The following OSBPL9 variants were observed in gnomAD, a reference collection of about 807,000 sequenced individuals.
OSBPL9 encodes oxysterol binding protein like 9.
A neutral mutation model predicts 106.6 loss-of-function variants in OSBPL9; 40 were observed. That is an observed-to-expected ratio of 0.38 (90% CI 0.29 to 0.49). The LOEUF is 0.49. OSBPL9 is among the 20% of genes least tolerant of loss of function. The probability of loss-of-function intolerance (pLI) is 0.97; values close to 1 mark genes in which losing one functional copy is unlikely to be tolerated. For missense variants in OSBPL9, 609 were observed against 887.2 expected, an observed-to-expected ratio of 0.69 and a Z score of 3.98; for synonymous variants, 269 against 295.4, an observed-to-expected ratio of 0.91 and a Z score of 0.92.
In OSBPL9 at chr1:51,772,619, CATG is replaced by C; in HGVS notation, c.1071_1073del (p.Asp358del). 1 of 1,613,836 alleles carries C rather than the reference CATG, an allele frequency of 6.2e-7. No homozygotes were observed. Among genetic ancestry groups the C allele is most frequent in the Non-Finnish European group, 8.5e-7 (1 of 1,179,696 alleles). On this transcript the variant is annotated inframe_deletion, in exon 14 of 24. Transcript: ENST00000428468. ...CTTTATTTTAGACCTGTTTGATTCA[CATG>C]ATGACAGAGATGATGATGCGGAGGC... is the stretch of plus-strand genomic sequence containing the variant.
upstream of OSBPL9, among the ~76,000 whole-genome samples, chr1:51,614,027 C>T (rs1644007781): frequency 1.3e-5 from 2 of 152,166 alleles, no homozygotes; most frequent in Admixed American, 6.5e-5. Flanking sequence ...GAGCTGTCCT[C>T]CCACCTTGGA....
intron 12 of OSBPL9, among the ~76,000 whole-genome samples, chr1:51,768,828 C>G (rs1673205177): frequency 6.6e-6 from 1 of 152,214 alleles, no homozygotes; most frequent in South Asian, 2.1e-4. Flanking sequence ...TCTCCCAGTA[C>G]CCTGTCCCAT....
chr1:51,606,054 A>G (rs1324697524), intron 2 of OSBPL9, among the ~76,000 whole-genome samples: 2 of 152,064 alleles, frequency 1.3e-5, no homozygotes, highest in African/African-American at 2.4e-5. Context: ...AGAAAGAAAT[A>G]TGACCGGCTC....
At chr1:51,640,455 T>G (rs1160385674) in intron 1 of OSBPL9, among the ~76,000 whole-genome samples, 1 of 152,210 alleles carries the variant, frequency 6.6e-6, no homozygotes, top group Non-Finnish European at 1.5e-5. Context: ...AAGTAGTTAC[T>G]TTTGTGCTTT....
chr1:51,748,010 C>T (rs1571509209), intron 6 of OSBPL9, among the ~76,000 whole-genome samples: 1 of 152,040 alleles, frequency 6.6e-6, no homozygotes, highest in Admixed American at 6.6e-5. Context: ...AGGATGGTCT[C>T]GATCTCCTGA....
At chr1:51,785,281 T>C (rs1677332203) in intron 20 of OSBPL9, 1 of 154,806 alleles carries the variant, frequency 6.5e-6, no homozygotes, top group Non-Finnish European at 1.4e-5. Flanking sequence ...TTGCTTATCT[T>C]CTCACATTCC....
Position 51,714,025 on chromosome 1 carries a change from G to T in OSBPL9, c.264G>T (p.Glu88Asp). 2 of 1,609,278 alleles carry T rather than the reference G, an allele frequency of 1.2e-6. No individual in the cohort carries two copies. Among genetic ancestry groups the T allele is most frequent in the Middle Eastern group, 1.7e-4 (1 of 6,044 alleles). The change falls in exon 4 of 24, where the codon GAG (glutamate) becomes GAT (aspartate). Residue 88 changes from glutamate to aspartate, a missense_variant. Coordinates refer to ENST00000428468, the MANE Select transcript of OSBPL9 (RefSeq NM_024586.6). The stretch of plus-strand genomic sequence containing the variant: ...CAGCCCGTGATGCTGATGAGCGAGA[G>T]AAGTGGATCCATGCCTTAGAAGAAA... ...HFQARDADER[E>D]KWIHALEETI...
chr1:51,623,146 C>A (rs937343245), intron 1 of OSBPL9, among the ~76,000 whole-genome samples: 2 of 152,062 alleles, frequency 1.3e-5, no homozygotes, highest in African/African-American at 4.8e-5. Context: ...AGAGCAGTTT[C>A]CATGGAGTGG....
the OSBPL9 span, among the ~76,000 whole-genome samples, chr1:51,530,989 T>C: frequency 6.7e-6 from 1 of 149,624 alleles, no homozygotes; most frequent in Non-Finnish European, 1.5e-5. Flanking sequence ...AAGAAAAAAA[T>C]AGGGCCAGGT....
At chr1:51,610,618 T>C (rs1249323481) in intron 2 of OSBPL9, among the ~76,000 whole-genome samples, 6 of 152,246 alleles carry the variant, frequency 3.9e-5, no homozygotes, top group Non-Finnish European at 8.8e-5. Context: ...GAAGCTACTT[T>C]TTCCTTGACT....
At chr1:51,752,400 C>G (rs1465574930) in intron 8 of OSBPL9, 1 of 386,650 alleles carries the variant, frequency 2.6e-6, no homozygotes, top group African/African-American at 2.1e-5. Flanking sequence ...TCTAAAATAG[C>G]CTATACCTCC....
At chr1:51,716,060 C>T (rs1168600545) in intron 4 of OSBPL9, among the ~76,000 whole-genome samples, 2 of 152,142 alleles carry the variant, frequency 1.3e-5, no homozygotes, top group African/African-American at 4.8e-5. Flanking sequence ...TGGAATTTTT[C>T]AGCTTTTGCT....
intron 2 of OSBPL9, among the ~76,000 whole-genome samples, chr1:51,606,005 GAGAA>G (rs200572383): frequency 0.03 from 4,400 of 149,014 alleles, 97 homozygotes; most frequent in South Asian, 0.048. Context: ...GAGAGAGAGA[GAGAA>G]AGAAAAAAGA....
At chr1:51,592,997 C>G (rs1033708447) in intron 1 of OSBPL9, among the ~76,000 whole-genome samples, 2 of 152,104 alleles carry the variant, frequency 1.3e-5, no homozygotes, top group African/African-American at 4.8e-5. Flanking sequence ...TGGCTGAAAT[C>G]CATCAGGAAG....
At chr1:51,754,584 C>G (rs1381821675) in intron 8 of OSBPL9, among the ~76,000 whole-genome samples, 1 of 152,096 alleles carries the variant, frequency 6.6e-6, no homozygotes, top group Non-Finnish European at 1.5e-5. Context: ...GTTGATTATC[C>G]TAAGTCTAGA....
intron 8 of OSBPL9, chr1:51,752,437 C>T (rs57978189): frequency 0.038 from 16,419 of 434,858 alleles, 672 homozygotes; most frequent in African/African-American, 0.14. Flanking sequence ...TTCGTGGCCT[C>T]GTATCACTAG....
intron 1 of OSBPL9, among the ~76,000 whole-genome samples, chr1:51,642,006 G>A (rs1645827002): frequency 6.6e-6 from 1 of 152,154 alleles, no homozygotes; most frequent in Admixed American, 6.6e-5. Context: ...AAAGATGGTA[G>A]CTAGCGTAAA....
chr1:51,710,394 C>A lies in OSBPL9; in HGVS notation c.242-3609C>A, dbSNP rs187020682. Among the ~76,000 whole-genome samples, 1,014 of 152,234 alleles carry A rather than the reference C, an allele frequency of 6.7e-3. 7 individuals carry two copies. Among genetic ancestry groups the A allele is most frequent in the Non-Finnish European group, 0.011 (762 of 68,024 alleles). On this transcript the variant is annotated intron_variant, in intron 3 of 23. Transcript: ENST00000428468. ...ACAGGACACTGAGAGCCAGAAAAAA[C>A]CCCCATAAGATATTATTAAATATTA...
rs1252247701 is a variant in OSBPL9, at chr1:51,788,786, A to G, written c.*997A>G. Among the ~76,000 whole-genome samples the G allele has an allele frequency of 6.6e-6, 1 of 151,986 alleles. No individual in the cohort carries two copies. The highest frequency in any genetic ancestry group is 1.9e-4 in the East Asian group (1 of 5,206). On this transcript the variant is annotated 3_prime_UTR_variant, in exon 24 of 24. Coordinates refer to ENST00000428468, the MANE Select transcript of OSBPL9 (RefSeq NM_024586.6). ...ACAAAAATAGATAGATAGATAGAAT[A>G]AAATGAATGCCACAGCAGCAGATGG... is the stretch of plus-strand genomic sequence containing the variant.
Sources: gnomAD v4.1 joint callset for allele counts (sites outside exome capture counted in the v4.1 genomes callset) on GRCh38, gnomAD v4.1.1 for gene constraint, MANE v1.5 for transcripts, NCBI Gene and HGNC (gene_info 2026-07-23, HGNC 2026-07-21) for gene names.